DTNA: variants seen among roughly 807,000 people sequenced by gnomAD.
The protein encoded by DTNA is dystrobrevin alpha, also known as dystrophin-related protein 3.
A neutral mutation model predicts 100.7 loss-of-function variants in DTNA; 43 were observed. That is an observed-to-expected ratio of 0.43 (90% CI 0.33 to 0.55). The LOEUF (loss-of-function observed/expected upper bound fraction) is 0.55. Among genes scored for constraint, DTNA ranks in the 20% least tolerant of loss-of-function variants. The pLI, the probability that DTNA is intolerant of heterozygous loss-of-function variation, is 0.04. For synonymous variants in DTNA, 349 were observed against 347.9 expected (o/e 1.00, Z -0.04); for missense variants, 798 against 953.9 (o/e 0.84, Z 2.15).
At chr18:34,504,048 G>A (rs1294399292) in intron 1 of DTNA, 2 of 151,178 alleles carry the variant, frequency 1.3e-5, no homozygotes, top group African/African-American at 4.9e-5. Context: ...AGTAGAGATG[G>A]GGTTTCACTG....
At chr18:34,836,105 T>C (rs964220953) in intron 11 of DTNA, among the ~76,000 whole-genome samples, 1 of 152,166 alleles carries the variant, frequency 6.6e-6, no homozygotes, top group Non-Finnish European at 1.5e-5. Context: ...TACTGCATAA[T>C]GAATGTATGG....
At chr18:34,624,240 G>C (rs1439153761) in intron 1 of DTNA, among the ~76,000 whole-genome samples, 1 of 152,188 alleles carries the variant, frequency 6.6e-6, no homozygotes, top group Non-Finnish European at 1.5e-5. Context: ...ACTTTTGCCA[G>C]TTGCAGATCA....
intron 11 of DTNA, among the ~76,000 whole-genome samples, chr18:34,831,301 A>G (rs1157770166): frequency 1.3e-5 from 2 of 152,230 alleles, no homozygotes; most frequent in East Asian, 1.9e-4. Context: ...TGCAACCTCT[A>G]AAGTGGTAAG....
intron 1 of DTNA, chr18:34,574,017 A>G (rs2579798): frequency 0.092 from 14,340 of 155,982 alleles, 672 homozygotes; most frequent in South Asian, 0.11. Flanking sequence ...GGTGCTCTTC[A>G]TGTTTAAAGT....
intron 11 of DTNA, among the ~76,000 whole-genome samples, chr18:34,832,820 A>T (rs936776432): frequency 6.6e-6 from 1 of 152,208 alleles, no homozygotes; most frequent in Admixed American, 6.5e-5. Flanking sequence ...GACAAAACAG[A>T]TTTCTGGATT....
chr18:34,494,065 C>T (rs2038889694), intron 1 of DTNA: 2 of 151,494 alleles, frequency 1.3e-5, no homozygotes, highest in Non-Finnish European at 2.9e-5. Flanking sequence ...CGCCGCAGCC[C>T]CTGCTGCTGC....
chr18:34,706,144 T>C (rs977294225), upstream of DTNA, among the ~76,000 whole-genome samples: 4 of 152,108 alleles, frequency 2.6e-5, no homozygotes, highest in Non-Finnish European at 5.9e-5. Context: ...GACGGGGTTC[T>C]TCCATGTTGG....
chr18:34,553,320 T>G lies in DTNA; in HGVS notation c.-2+59806T>G, dbSNP rs1461165913. Among the ~76,000 whole-genome samples the G allele has an allele frequency of 7.9e-5, 12 of 151,866 alleles. No homozygotes were observed. In the East Asian group the frequency reaches 9.7e-4, roughly 12 times the overall value. On this transcript the variant is annotated intron_variant, in intron 1 of 19. Coordinates refer to the DTNA transcript ENST00000283365. ...GTAGGTTGCGAAAATTTTCTCCCAT[T>G]TTGTAGGTTGCCCGTTCACTCTGAT...
At chr18:34,699,159 GCACA>G (rs150179542) in intron 1 of DTNA, among the ~76,000 whole-genome samples, 2,181 of 149,620 alleles carry the variant, frequency 0.015, 39 homozygotes, top group African/African-American at 0.047. Flanking sequence ...ACTCACATGT[GCACA>G]CACACACACA....
intron 19 of DTNA, among the ~76,000 whole-genome samples, chr18:34,878,341 A>G (rs2096839486): frequency 6.6e-6 from 1 of 152,218 alleles, no homozygotes; most frequent in African/African-American, 2.4e-5. Flanking sequence ...AGAAAGTTTG[A>G]AAAAGGCAGA....
chr18:34,536,170 A>G (rs1010446824), intron 1 of DTNA, among the ~76,000 whole-genome samples: 2 of 152,056 alleles, frequency 1.3e-5, no homozygotes, highest in African/African-American at 4.8e-5. Context: ...AATAAATTAT[A>G]AATAGATGCT....
intron 1 of DTNA, among the ~76,000 whole-genome samples, chr18:34,517,119 CG>C (rs1490255747): frequency 3.9e-5 from 6 of 152,076 alleles, no homozygotes; most frequent in African/African-American, 1.4e-4. Flanking sequence ...TCCCTCTGTT[CG>C]GGGTCCCTGA....
At chr18:34,537,879 GTATT>G (rs1235079134) in intron 1 of DTNA, among the ~76,000 whole-genome samples, 1 of 151,788 alleles carries the variant, frequency 6.6e-6, no homozygotes, top group Non-Finnish European at 1.5e-5. Flanking sequence ...AAATGTATGA[GTATT>G]TATTAGAAGA....
chr18:34,645,547 G>A (rs555942574), intron 1 of DTNA, among the ~76,000 whole-genome samples: 1 of 152,046 alleles, frequency 6.6e-6, no homozygotes, highest in Admixed American at 6.5e-5. Context: ...CTACAGATAT[G>A]TATAAATCCA....
chr18:34,702,717 G>A (rs1004838242), intron 1 of DTNA, among the ~76,000 whole-genome samples: 1 of 151,938 alleles, frequency 6.6e-6, no homozygotes, highest in African/African-American at 2.4e-5. Context: ...ACATAAAGTG[G>A]CTTAATTTCT....
chr18:34,823,525 A>G (rs922634344), intron 9 of DTNA, among the ~76,000 whole-genome samples: 1 of 152,350 alleles, frequency 6.6e-6, no homozygotes, highest in South Asian at 2.1e-4. Context: ...TAAAGGTCTT[A>G]TGCAGAAGGA....
chr18:34,834,651 G>C (rs565056439), intron 11 of DTNA, among the ~76,000 whole-genome samples: 1 of 152,160 alleles, frequency 6.6e-6, no homozygotes, highest in African/African-American at 2.4e-5. Flanking sequence ...ATCACATGAG[G>C]AGAGAGGAAG....
intron 1 of DTNA, among the ~76,000 whole-genome samples, chr18:34,624,866 ATTTGT>A (rs1024495052): frequency 2.0e-5 from 3 of 151,810 alleles, no homozygotes; most frequent in African/African-American, 4.8e-5. Context: ...ACTTTTTTTC[ATTTGT>A]TTTGTTTTTT....
intron 3 of DTNA, among the ~76,000 whole-genome samples, chr18:34,772,451 G>C (rs1397513438): frequency 5.3e-5 from 8 of 152,116 alleles, no homozygotes; most frequent in Non-Finnish European, 2.9e-5. Context: ...AGTAAGCCAA[G>C]TGAGTCCCAT....
Sources: gnomAD v4.1 joint callset for allele counts (sites outside exome capture counted in the v4.1 genomes callset) on GRCh38, gnomAD v4.1.1 for gene constraint, MANE v1.5 for transcripts, NCBI Gene and HGNC (gene_info 2026-07-23, HGNC 2026-07-21) for gene names.